The following SYT2 variants were observed in gnomAD, a reference collection of about 807,000 sequenced individuals.
The protein encoded by SYT2 is synaptotagmin 2, also known as synaptotagmin-2.
Under a neutral mutation model 39.9 loss-of-function variants are expected in SYT2, and 15 were observed. The observed-to-expected ratio is 0.38, with a 90% confidence interval of 0.25 to 0.58. The LOEUF is 0.58. Ranked by LOEUF, SYT2 falls within the 20% of genes least tolerant of loss-of-function variation. The pLI, the probability that SYT2 is intolerant of heterozygous loss-of-function variation, is 0.70. For missense variants in SYT2, 389 were observed against 530.3 expected (o/e 0.73, Z 2.62); for synonymous variants, 181 against 204.5 (o/e 0.89, Z 0.98).
rs148113564 is a variant in SYT2 at position 202,655,266 on chromosome 1, G to A, written c.-17-49477C>T. Among the ~76,000 whole-genome samples, 606 of 152,294 alleles carry A rather than the reference G, an allele frequency of 4.0e-3. 3 individuals carry two copies. In the Middle Eastern group the frequency reaches 0.055, roughly 14 times the overall value. ...GGTATGGCCATTTCGGACAGCAGGA[G>A]ATGCGAGCCCAGGACAGGCCTTGAG... On this transcript the variant is annotated intron_variant, in intron 1 of 8. Transcript: ENST00000367268.
At chr1:202,618,722 T>C (rs1049906525) in intron 1 of SYT2, among the ~76,000 whole-genome samples, 4 of 152,196 alleles carry the variant, frequency 2.6e-5, no homozygotes, top group African/African-American at 9.6e-5. Flanking sequence ...GCTCAGCATG[T>C]AGAGAACCAC....
rs1412781595 is a variant in SYT2 at position 202,613,159 on chromosome 1, C to A, written c.-17-7370G>T. On this transcript the variant is annotated intron_variant, in intron 1 of 8. Transcript: ENST00000367268. ...GCAGTGGTGCAATCTCGGCTCACTG[C>A]AACCTCCGCCTCCTGGGCTCAAGCA... Among the ~76,000 whole-genome samples, 5 of 144,910 alleles carry A rather than the reference C, an allele frequency of 3.5e-5. No homozygotes were observed. The Admixed American group carries it at 3.6e-4, about 11-fold the overall frequency.
intron 1 of SYT2, among the ~76,000 whole-genome samples, chr1:202,710,004 C>G (rs748765562): frequency 6.6e-4 from 100 of 152,144 alleles, no homozygotes; most frequent in Non-Finnish European, 1.3e-3. Flanking sequence ...CTGCCCCCAG[C>G]CCAGCCCCAG....
chr1:202,698,190 G>T (rs1294499430), intron 1 of SYT2, among the ~76,000 whole-genome samples: 1 of 152,024 alleles, frequency 6.6e-6, no homozygotes, highest in Non-Finnish European at 1.5e-5. Context: ...CTTTTACCAT[G>T]TCTAGGTCTT....
chr1:202,676,943 G>C (rs1211112847), intron 1 of SYT2, among the ~76,000 whole-genome samples: 1 of 152,176 alleles, frequency 6.6e-6, no homozygotes, highest in East Asian at 1.9e-4. Context: ...CCCCCTTGCT[G>C]TTCTCATGAT....
intron 1 of SYT2, among the ~76,000 whole-genome samples, chr1:202,709,802 C>G (rs1654347941): frequency 6.6e-6 from 1 of 152,156 alleles, no homozygotes; most frequent in South Asian, 2.1e-4. Context: ...CCCACGACGG[C>G]GGTGCCAGGG....
At chr1:202,633,999 G>A (rs949429224) in intron 1 of SYT2, among the ~76,000 whole-genome samples, 1 of 152,214 alleles carries the variant, frequency 6.6e-6, no homozygotes, top group Non-Finnish European at 1.5e-5. Flanking sequence ...GAGCAAGGTG[G>A]TGGAAGAGCA....
At chr1:202,603,435 G>T (rs1041610946) in intron 3 of SYT2, among the ~76,000 whole-genome samples, 3 of 152,328 alleles carry the variant, frequency 2.0e-5, no homozygotes, top group Admixed American at 6.5e-5. Flanking sequence ...CTAGGGGCTG[G>T]TGTGGGGGTA....
chr1:202,619,286 T>C (rs747830295), intron 1 of SYT2, among the ~76,000 whole-genome samples: 58 of 152,058 alleles, frequency 3.8e-4, no homozygotes, highest in Non-Finnish European at 7.2e-4. Flanking sequence ...CAGAGTGAAC[T>C]CCTCTGTCTG....
intron 1 of SYT2, among the ~76,000 whole-genome samples, chr1:202,643,622 G>A (rs12041347): frequency 0.077 from 11,740 of 151,846 alleles, 734 homozygotes; most frequent in East Asian, 0.32. Context: ...CCCGCTGCTG[G>A]GGAGGCTGCC....
intron 1 of SYT2, among the ~76,000 whole-genome samples, chr1:202,620,743 A>G (rs1233202359): frequency 6.6e-6 from 1 of 152,146 alleles, no homozygotes; most frequent in African/African-American, 2.4e-5. Context: ...TTGATTGACA[A>G]TCAAGTTGAG....
At chr1:202,707,324 T>C (rs1322096971) in intron 1 of SYT2, among the ~76,000 whole-genome samples, 1 of 152,176 alleles carries the variant, frequency 6.6e-6, no homozygotes, top group Non-Finnish European at 1.5e-5. Context: ...CCCAGGCCTG[T>C]CTATCTCCTA....
intron 1 of SYT2, among the ~76,000 whole-genome samples, chr1:202,695,050 CTCA>C (rs540140394): frequency 5.9e-5 from 9 of 152,134 alleles, no homozygotes; most frequent in Non-Finnish European, 8.8e-5. Context: ...AAAATTCCTC[CTCA>C]TATCTACCTA....
chr1:202,638,094 C>T (rs1434062575), intron 1 of SYT2, among the ~76,000 whole-genome samples: 2 of 152,242 alleles, frequency 1.3e-5, no homozygotes, highest in African/African-American at 4.8e-5. Flanking sequence ...TACTAGAAAC[C>T]CTTCTGCTTC....
intron 1 of SYT2, among the ~76,000 whole-genome samples, chr1:202,663,508 CCACTT>C (rs1457137487): frequency 6.6e-6 from 1 of 152,196 alleles, no homozygotes; most frequent in African/African-American, 2.4e-5. Context: ...TCTGTTCACT[CCACTT>C]CGAAACCTCA....
At chr1:202,677,784 C>A (rs993862673) in intron 1 of SYT2, among the ~76,000 whole-genome samples, 2 of 152,134 alleles carry the variant, frequency 1.3e-5, no homozygotes, top group Non-Finnish European at 2.9e-5. Context: ...ATATGAACAG[C>A]AAAATCATCA....
At chr1:202,655,382 G>T (rs1243146096) in intron 1 of SYT2, among the ~76,000 whole-genome samples, 5 of 152,018 alleles carry the variant, frequency 3.3e-5, no homozygotes, top group African/African-American at 1.2e-4. Context: ...GGTTGTTGTT[G>T]TTTTTTTAAA....
intron 1 of SYT2, among the ~76,000 whole-genome samples, chr1:202,679,864 G>T (rs1295622396): frequency 1.3e-5 from 2 of 152,102 alleles, no homozygotes; most frequent in African/African-American, 4.8e-5. Context: ...CAGATTCCAG[G>T]CTTCCTTCAG....
rs1653338572 is a variant in SYT2, at chr1:202,675,347, AC to A, written c.-18+34910del. ...TTACAGTCTTGTGGGAGAGACACACACTAAATAATTATATATATAATTAATA... is the reference window on the plus strand; with the variant it reads ...TTACAGTCTTGTGGGAGAGACACACATAAATAATTATATATATAATTAATA... On this transcript the variant is annotated intron_variant, in intron 1 of 8. Coordinates refer to ENST00000367268, the MANE Select transcript of SYT2 (RefSeq NM_177402.5). 3.3e-5 allele frequency among the ~76,000 whole-genome samples: 5 copies of A among 149,460 alleles called. No homozygotes were observed. In the South Asian group the frequency reaches 1.0e-3, roughly 31 times the overall value.
Sources: gnomAD v4.1 joint callset for allele counts (sites outside exome capture counted in the v4.1 genomes callset) on GRCh38, gnomAD v4.1.1 for gene constraint, MANE v1.5 for transcripts, NCBI Gene and HGNC (gene_info 2026-07-23, HGNC 2026-07-21) for gene names.